The following SYTL3 variants were observed in gnomAD, a reference collection of about 807,000 sequenced individuals.
SYTL3 encodes synaptotagmin like 3, also known as synaptotagmin-like protein 3.
A neutral mutation model predicts 82.1 loss-of-function variants in SYTL3; 88 were observed. That is an observed-to-expected ratio of 1.07 (90% CI 0.90 to 1.28). SYTL3 has a LOEUF of 1.28. SYTL3 is among the 50% of genes most tolerant of loss of function. The pLI, the probability that SYTL3 is intolerant of heterozygous loss-of-function variation, is 0.00. For synonymous variants in SYTL3, 311 were observed against 289.4 expected (o/e 1.07, Z -0.76); for missense variants, 831 against 757.6 (o/e 1.10, Z -1.14).
intron 7 of SYTL3, among the ~76,000 whole-genome samples, chr6:158,707,815 C>A (rs1362820815): frequency 6.6e-6 from 1 of 152,242 alleles, no homozygotes; most frequent in African/African-American, 2.4e-5. Flanking sequence ...AGCTCCCCAC[C>A]AGCTGCTATT....
At chr6:158,741,679 C>G (rs923663643) in intron 11 of SYTL3, among the ~76,000 whole-genome samples, 1 of 152,178 alleles carries the variant, frequency 6.6e-6, no homozygotes, top group Non-Finnish European at 1.5e-5. Context: ...CATATAAAAT[C>G]TACTTGTTGT....
intron 12 of SYTL3, among the ~76,000 whole-genome samples, chr6:158,751,367 C>T (rs1399703258): frequency 1.3e-5 from 2 of 152,156 alleles, no homozygotes; most frequent in Non-Finnish European, 2.9e-5. Context: ...ACATGTCTTC[C>T]TCTCCGCCTG....
At chr6:158,694,692 A>G (rs1393368210) in intron 6 of SYTL3, among the ~76,000 whole-genome samples, 3 of 152,196 alleles carry the variant, frequency 2.0e-5, no homozygotes, top group Non-Finnish European at 2.9e-5. Flanking sequence ...CTTTGAATAC[A>G]TGAATTTAAC....
intron 6 of SYTL3, among the ~76,000 whole-genome samples, chr6:158,704,582 A>G (rs1186986695): frequency 1.3e-5 from 2 of 152,242 alleles, no homozygotes; most frequent in Non-Finnish European, 2.9e-5. Context: ...CCGGGTAGGC[A>G]GGGCAATAAG....
chr6:158,726,081 G>C (rs899160218), intron 11 of SYTL3: 4 of 480,290 alleles, frequency 8.3e-6, no homozygotes, highest in African/African-American at 5.9e-5. Flanking sequence ...TGAAACATTA[G>C]TTCTTTCCAG....
intron 11 of SYTL3, 123 bp downstream of exon 11, chr6:158,725,760 G>C: frequency 7.7e-7 from 1 of 1,291,832 alleles, no homozygotes; most frequent in East Asian, 2.3e-5. Flanking sequence ...AGAACAGCAA[G>C]GCATTTTATT....
chr6:158,752,746 G>A (rs1287538307), intron 13 of SYTL3, among the ~76,000 whole-genome samples: 3 of 152,216 alleles, frequency 2.0e-5, no homozygotes, highest in South Asian at 2.1e-4. Flanking sequence ...AGGTCCCCTC[G>A]TCTCATGCCT....
upstream of SYTL3, among the ~76,000 whole-genome samples, chr6:158,646,427 C>T (rs1467966331): frequency 2.6e-5 from 4 of 152,214 alleles, no homozygotes; most frequent in Non-Finnish European, 5.9e-5. Flanking sequence ...GCCTCAGCCT[C>T]CCAAAGTGCT....
At chr6:158,691,393 T>C (rs1274791127) in intron 6 of SYTL3, among the ~76,000 whole-genome samples, 1 of 152,086 alleles carries the variant, frequency 6.6e-6, no homozygotes, top group East Asian at 1.9e-4. Flanking sequence ...AAGTAACTTT[T>C]TTAATGTACT....
At chr6:158,664,030 G>A (rs543415531) in intron 4 of SYTL3, among the ~76,000 whole-genome samples, 4 of 152,280 alleles carry the variant, frequency 2.6e-5, no homozygotes, top group African/African-American at 7.2e-5. Flanking sequence ...GCAGTGTTCC[G>A]CCTTAGCTGT....
intron 6 of SYTL3, among the ~76,000 whole-genome samples, chr6:158,698,071 G>C (rs576215085): frequency 1.8e-4 from 27 of 152,218 alleles, no homozygotes; most frequent in Admixed American, 1.6e-3. Flanking sequence ...TGCTATCTTA[G>C]CTCAAATTTT....
chr6:158,749,524 T>A (rs1250428385), intron 12 of SYTL3, among the ~76,000 whole-genome samples: 2 of 142,230 alleles, frequency 1.4e-5, no homozygotes, highest in African/African-American at 2.6e-5. Flanking sequence ...TTTTTTTTTT[T>A]TTTTTTTTAA....
intron 11 of SYTL3, among the ~76,000 whole-genome samples, chr6:158,743,725 C>T (rs917674715): frequency 4.8e-5 from 7 of 147,340 alleles, no homozygotes; most frequent in African/African-American, 1.8e-4. Flanking sequence ...GGATTACAGG[C>T]ATGAGCCACT....
Position 158,750,898 on chromosome 6 carries a change from C to T in SYTL3, c.1035-1030C>T, listed in dbSNP as rs190709541. 7.5e-3 allele frequency among the ~76,000 whole-genome samples: 1,149 copies of T among 152,234 alleles called. 20 individuals carry two copies. Among genetic ancestry groups the T allele is most frequent in the Non-Finnish European group, 6.9e-3 (472 of 68,014 alleles). ...GCAACCTCCATCTCCCAGGTACAAG[C>T]GATTCTCCTGCCTCAGCCTCCTGAG... On this transcript the variant is annotated intron_variant, in intron 12 of 17. Transcript: ENST00000611299.
intron 11 of SYTL3, among the ~76,000 whole-genome samples, chr6:158,739,040 C>T (rs768667110): frequency 2.5e-4 from 38 of 152,246 alleles, no homozygotes; most frequent in Non-Finnish European, 4.8e-4. Flanking sequence ...CTGTCTGGCT[C>T]CCTGCAAAAG....
At chr6:158,653,805 G>T (rs1037231561) in intron 2 of SYTL3, among the ~76,000 whole-genome samples, 2 of 152,150 alleles carry the variant, frequency 1.3e-5, no homozygotes, top group Non-Finnish European at 2.9e-5. Flanking sequence ...TCATGCTACC[G>T]CAGATCTCTG....
At chr6:158,707,881 C>A (rs1254999576) in intron 7 of SYTL3, among the ~76,000 whole-genome samples, 1 of 152,142 alleles carries the variant, frequency 6.6e-6, no homozygotes, top group Admixed American at 6.6e-5. Context: ...TTTTTTCCTC[C>A]CCTGTTCTTT....
intron 5 of SYTL3, among the ~76,000 whole-genome samples, chr6:158,677,094 GACACATGC>G (rs1051013787): frequency 1.1e-4 from 16 of 152,182 alleles, no homozygotes; most frequent in African/African-American, 3.9e-4. Flanking sequence ...CTGCTATAAA[GACACATGC>G]ACACATATGT....
At chr6:158,680,807 C>G (rs894933149) in intron 5 of SYTL3, among the ~76,000 whole-genome samples, 1 of 152,214 alleles carries the variant, frequency 6.6e-6, no homozygotes, top group African/African-American at 2.4e-5. Context: ...GTTCTAGTCA[C>G]TAAGTATTGG....
Sources: allele counts gnomAD v4.1 joint callset (sites outside exome capture counted in the v4.1 genomes callset), GRCh38; gene constraint gnomAD v4.1.1; transcripts MANE v1.5; gene names NCBI Gene and HGNC (gene_info 2026-07-23, HGNC 2026-07-21).